GLT1D1: variants seen among roughly 807,000 people sequenced by gnomAD.
GLT1D1 encodes the protein glycosyltransferase 1 domain-containing protein 1.
In GLT1D1, 21 loss-of-function variants were observed where a neutral mutation model predicts 28.7. The ratio of observed to expected loss-of-function variants is 0.73; its 90% CI spans 0.52 to 1.05. The LOEUF (loss-of-function observed/expected upper bound fraction) is 1.05. Ranked by LOEUF, GLT1D1 falls within the 50% of genes least tolerant of loss-of-function variation. The pLI, the probability that GLT1D1 is intolerant of heterozygous loss-of-function variation, is 0.00. For synonymous variants in GLT1D1, 147 were observed against 124.8 expected (o/e 1.18, Z -1.19); for missense variants, 343 against 330.6 (o/e 1.04, Z -0.29).
chr12:128,981,082 AG>A (rs1189418416), intron 7 of GLT1D1, among the ~76,000 whole-genome samples: 3 of 152,138 alleles, frequency 2.0e-5, no homozygotes, highest in Non-Finnish European at 4.4e-5. Flanking sequence ...GATTCAAGAG[AG>A]ATTTTTGCTT....
intron 3 of GLT1D1, among the ~76,000 whole-genome samples, chr12:128,894,457 C>G (rs945492253): frequency 4.6e-5 from 7 of 152,136 alleles, no homozygotes; most frequent in African/African-American, 1.7e-4. Flanking sequence ...TCCATTTGCA[C>G]TGCGTCTTGT....
At chr12:128,885,116 C>CATAT (rs141369355) in intron 2 of GLT1D1, among the ~76,000 whole-genome samples, 17 of 151,452 alleles carry the variant, frequency 1.1e-4, no homozygotes, top group African/African-American at 4.1e-4. Flanking sequence ...TGTTGTACAC[C>CATAT]ATATATATAT....
At chr12:128,970,573 T>C (rs140147656) in intron 7 of GLT1D1, among the ~76,000 whole-genome samples, 3 of 152,352 alleles carry the variant, frequency 2.0e-5, no homozygotes, top group Non-Finnish European at 4.4e-5. Flanking sequence ...AAAATGCCAC[T>C]GCTGGCCTGG....
intron 7 of GLT1D1, among the ~76,000 whole-genome samples, chr12:128,972,129 T>C (rs10847726): frequency 0.11 from 16,875 of 152,006 alleles, 1,185 homozygotes; most frequent in Non-Finnish European, 0.15. Flanking sequence ...GGCAAAGCCA[T>C]GAGACGACCA....
chr12:128,873,416 A>T (rs1472714768), intron 1 of GLT1D1, among the ~76,000 whole-genome samples: 1 of 152,182 alleles, frequency 6.6e-6, no homozygotes, highest in Non-Finnish European at 1.5e-5. Context: ...TAATATAACG[A>T]GGGCCCTGCG....
At chr12:128,954,563 C>T (rs1335784909) in intron 6 of GLT1D1, among the ~76,000 whole-genome samples, 1 of 152,152 alleles carries the variant, frequency 6.6e-6, no homozygotes, top group East Asian at 1.9e-4. Context: ...CTCTATAAAA[C>T]TTACTGAGTC....
At chr12:128,970,424 G>A (rs530777552) in intron 7 of GLT1D1, among the ~76,000 whole-genome samples, 57 of 152,320 alleles carry the variant, frequency 3.7e-4, no homozygotes, top group African/African-American at 1.4e-3. Context: ...GGGCTGTAGG[G>A]TCTTGCCTGG....
At chr12:128,864,052 G>A (rs1299956805) in intron 1 of GLT1D1, 1 of 533,706 alleles carries the variant, frequency 1.9e-6, no homozygotes, top group East Asian at 3.2e-5. Flanking sequence ...GACTTCCAGG[G>A]GCCTGGCTTG....
At position 128,874,480 on chromosome 12, in the gene GLT1D1, C is replaced by CTT. The variant is rs138457706; in HGVS notation, c.69-1415_69-1414dup. 1.8e-3 allele frequency among the ~76,000 whole-genome samples: 192 copies of CTT among 106,754 alleles called. 2 individuals carry two copies. Among genetic ancestry groups the CTT allele is most frequent in the African/African-American group, 3.1e-3 (86 of 27,812 alleles). 70.0% of individuals were successfully genotyped at this position (106,754 alleles called of 152,430 possible). A position where few individuals can be genotyped will look rare whatever the true frequency, so the allele number is the denominator to read the frequency against. ...TACAGGCTTGAGCCACTGTGGCTGG[C>CTT]TTTTTTTTTTTTTTTTTTTTGAGAC... On this transcript the variant is annotated intron_variant, in intron 1 of 7. Coordinates refer to ENST00000281703, the MANE Select transcript of GLT1D1 (RefSeq NM_144669.3).
Position 128,945,326 on chromosome 12 carries a change from G to T in GLT1D1, c.376G>T (p.Val126Phe), listed in dbSNP as rs200624626. 6 of 1,614,118 alleles carry T rather than the reference G, an allele frequency of 3.7e-6. No individual in the cohort carries two copies. The highest frequency in any genetic ancestry group is 5.1e-6 in the Non-Finnish European group (6 of 1,179,940). ...GACATTTATCTTTGTCTCTTTTCAG[G>T]TCGATCCAGTGTTTACAAGGGAAGT... The change falls in exon 5 of 8, where the codon GTC becomes TTC. Residue 126 changes from valine (V) to phenylalanine (F), a missense_variant and splice_region_variant. Val to Phe is a conservative substitution (Grantham distance 50, BLOSUM62 -1). Transcript: ENST00000281703.
At chr12:128,968,780 C>T (rs1878738377) in intron 7 of GLT1D1, among the ~76,000 whole-genome samples, 1 of 152,132 alleles carries the variant, frequency 6.6e-6, no homozygotes, top group Non-Finnish European at 1.5e-5. Flanking sequence ...ACAGATTCTC[C>T]AGTGAGCTAG....
At chr12:128,939,727 G>A (rs1224437488) in intron 4 of GLT1D1, among the ~76,000 whole-genome samples, 1 of 152,000 alleles carries the variant, frequency 6.6e-6, no homozygotes, top group South Asian at 2.1e-4. Flanking sequence ...TACATGTCTG[G>A]GTCAGGAGGA....
intron 2 of GLT1D1, 86 bp from the exon 3 acceptor site, chr12:128,888,553 C>T: frequency 4.8e-6 from 4 of 837,078 alleles, no homozygotes; most frequent in Middle Eastern, 2.3e-4. Flanking sequence ...CTGGGAACTT[C>T]AGTGTTTAAG....
chr12:128,888,423 G>A (rs938230118), intron 2 of GLT1D1, among the ~76,000 whole-genome samples: 2 of 152,160 alleles, frequency 1.3e-5, no homozygotes, highest in African/African-American at 2.4e-5. Context: ...TAGCCCTGAC[G>A]ACAGTGGTTG....
At chr12:128,886,439 G>A (rs972430139) in intron 2 of GLT1D1, among the ~76,000 whole-genome samples, 1 of 152,088 alleles carries the variant, frequency 6.6e-6, no homozygotes, top group South Asian at 2.1e-4. Context: ...CCCCTGAGGC[G>A]GTGACAGGGG....
At chr12:128,880,438 G>A (rs193202861) in intron 2 of GLT1D1, among the ~76,000 whole-genome samples, 16 of 152,270 alleles carry the variant, frequency 1.1e-4, no homozygotes, top group Admixed American at 9.8e-4. Context: ...TGTCCATATG[G>A]AAATTAAACT....
At chr12:128,906,950 T>A (rs1295046893) in intron 4 of GLT1D1, 1 of 702,610 alleles carries the variant, frequency 1.4e-6, no homozygotes, top group Non-Finnish European at 2.6e-6. Flanking sequence ...GCAGTTCCTG[T>A]ACAGGTGAGC....
intron 4 of GLT1D1, among the ~76,000 whole-genome samples, chr12:128,928,555 T>A (rs1873519836): frequency 6.6e-6 from 1 of 151,980 alleles, no homozygotes; most frequent in Admixed American, 6.6e-5. Flanking sequence ...AGAATACACC[T>A]AGTGTTTCCA....
intron 7 of GLT1D1, among the ~76,000 whole-genome samples, chr12:128,966,096 T>C (rs1030802222): frequency 3.3e-5 from 5 of 152,228 alleles, no homozygotes; most frequent in African/African-American, 1.2e-4. Flanking sequence ...AGGGTCTTAC[T>C]GGAGAAAACC....
Sources: allele counts gnomAD v4.1 joint callset (sites outside exome capture counted in the v4.1 genomes callset), GRCh38; gene constraint gnomAD v4.1.1; transcripts MANE v1.5; gene names NCBI Gene and HGNC (gene_info 2026-07-23, HGNC 2026-07-21).